PCDH15: variants seen among roughly 807,000 people sequenced by gnomAD.
PCDH15 encodes the protein protocadherin-15.
Under a neutral mutation model 178.5 loss-of-function variants are expected in PCDH15, and 129 were observed. That is an observed-to-expected ratio of 0.72 (90% confidence interval 0.63 to 0.84). The LOEUF (loss-of-function observed/expected upper bound fraction) is 0.84. PCDH15 is among the 40% of genes least tolerant of loss of function. The pLI is 0.00. For missense variants in PCDH15, 2,230 were observed against 2,099.9 expected, an observed-to-expected ratio of 1.06 and a Z score of -1.21; for synonymous variants, 800 against 732.0, an observed-to-expected ratio of 1.09 and a Z score of -1.50.
intron 3 of PCDH15, among the ~76,000 whole-genome samples, chr10:54,435,777 T>G (rs574064846): frequency 6.6e-6 from 1 of 152,072 alleles, no homozygotes; most frequent in African/African-American, 2.4e-5. Flanking sequence ...GAGACCATCC[T>G]GGCTAACACG....
intron 8 of PCDH15, among the ~76,000 whole-genome samples, chr10:54,295,245 A>T (rs569376516): frequency 6.6e-6 from 1 of 151,754 alleles, no homozygotes; most frequent in African/African-American, 2.4e-5. Context: ...AAATCACACC[A>T]ATCAGCATGC....
intron 3 of PCDH15, among the ~76,000 whole-genome samples, chr10:54,469,305 C>A (rs987640711): frequency 6.6e-6 from 1 of 152,094 alleles, no homozygotes; most frequent in African/African-American, 2.4e-5. Flanking sequence ...CTATGTTGGC[C>A]AGGCTGGTTT....
chr10:54,099,512 AAAT>A (rs1211851109), intron 15 of PCDH15, among the ~76,000 whole-genome samples: 2 of 136,648 alleles, frequency 1.5e-5, no homozygotes, highest in African/African-American at 2.8e-5. Context: ...AAAAAAAAAA[AAAT>A]ATATATATAT....
At chr10:54,079,603 C>G (rs976161050) in intron 16 of PCDH15, among the ~76,000 whole-genome samples, 179 bp from the exon 17 acceptor site, 2 of 152,088 alleles carry the variant, frequency 1.3e-5, no homozygotes, top group Admixed American at 1.3e-4. Context: ...GCTTTTAAGG[C>G]TGTCAAATTT....
intron 3 of PCDH15, among the ~76,000 whole-genome samples, chr10:54,384,328 T>C (rs199801043): frequency 0.049 from 184 of 3,728 alleles, 1 homozygote; most frequent in East Asian, 0.4. Context: ...TCCCCCCCCT[T>C]TTTTTTTTTT....
chr10:54,622,608 A>AATATAT (rs1555105303), intron 2 of PCDH15, among the ~76,000 whole-genome samples: 4 of 44,768 alleles, frequency 8.9e-5, no homozygotes, highest in African/African-American at 3.5e-4. Context: ...TAATATATAT[A>AATATAT]ATTATATATA....
At chr10:53,968,192 C>A (rs190111456) in intron 21 of PCDH15, among the ~76,000 whole-genome samples, 2 of 152,276 alleles carry the variant, frequency 1.3e-5, no homozygotes, top group Admixed American at 6.5e-5. Context: ...AAACGGCCCA[C>A]CAGGAGATTA....
intron 2 of PCDH15, among the ~76,000 whole-genome samples, chr10:55,036,278 G>A (rs946622338): frequency 2.0e-5 from 3 of 152,054 alleles, no homozygotes; most frequent in South Asian, 2.1e-4. Flanking sequence ...ATAAATTTCT[G>A]TTAATTACAA....
intron 23 of PCDH15, among the ~76,000 whole-genome samples, chr10:53,943,684 A>G (rs1040136827): frequency 6.6e-6 from 1 of 152,116 alleles, no homozygotes; most frequent in Non-Finnish European, 1.5e-5. Context: ...TTAAAATTCT[A>G]TTTGTTAGTA....
intron 3 of PCDH15, among the ~76,000 whole-genome samples, chr10:54,394,579 C>T (rs745350449): frequency 6.6e-6 from 1 of 152,180 alleles, no homozygotes; most frequent in African/African-American, 2.4e-5. Flanking sequence ...AGGGCAAGAT[C>T]ACAGGACCGC....
chr10:55,200,682 T>C (rs1840219858), intron 1 of PCDH15, among the ~76,000 whole-genome samples: 1 of 152,062 alleles, frequency 6.6e-6, no homozygotes, highest in South Asian at 2.1e-4. Context: ...GAATTGAAAT[T>C]TCTAGCGTTG....
chr10:54,954,122 C>T (rs917415935), intron 2 of PCDH15, among the ~76,000 whole-genome samples: 3 of 151,144 alleles, frequency 2.0e-5, no homozygotes, highest in African/African-American at 4.8e-5. Context: ...ATCTCTGAAT[C>T]GTGTCCTATC....
intron 27 of PCDH15, among the ~76,000 whole-genome samples, chr10:53,866,065 A>T (rs2079428978): frequency 1.3e-5 from 2 of 152,140 alleles, no homozygotes; most frequent in South Asian, 4.1e-4. Context: ...CCTAAGTGAA[A>T]ATTAGAACAG....
intron 2 of PCDH15, among the ~76,000 whole-genome samples, chr10:54,902,254 C>T (rs1389843035): frequency 6.6e-6 from 1 of 152,130 alleles, no homozygotes; most frequent in Non-Finnish European, 1.5e-5. Flanking sequence ...TGTCACTATC[C>T]TATTTGAAAG....
intron 13 of PCDH15, among the ~76,000 whole-genome samples, chr10:54,169,923 A>G (rs1004713193): frequency 6.6e-6 from 1 of 150,756 alleles, no homozygotes; most frequent in African/African-American, 2.4e-5. Flanking sequence ...TGTTTTGCCT[A>G]TCCACCCCGT....
At chr10:54,707,317 A>T (rs1488206609) in intron 1 of PCDH15, among the ~76,000 whole-genome samples, 1 of 152,216 alleles carries the variant, frequency 6.6e-6, no homozygotes, top group Admixed American at 6.5e-5. Context: ...ACTTAGTACT[A>T]TAGATACCAC....
intron 2 of PCDH15, among the ~76,000 whole-genome samples, chr10:55,521,627 C>T (rs1841178660): frequency 6.6e-6 from 1 of 151,876 alleles, no homozygotes; most frequent in South Asian, 2.1e-4. Context: ...GTTTTCATAT[C>T]TTGGCTACAG....
At chr10:54,924,781 T>A (rs1298617013) in intron 2 of PCDH15, among the ~76,000 whole-genome samples, 1 of 152,166 alleles carries the variant, frequency 6.6e-6, no homozygotes, top group African/African-American at 2.4e-5. Context: ...TTGCTCAAGT[T>A]TTATGGTGTT....
chr10:54,989,785 T>C (rs1839457100), intron 2 of PCDH15, among the ~76,000 whole-genome samples: 1 of 152,092 alleles, frequency 6.6e-6, no homozygotes, highest in African/African-American at 2.4e-5. Context: ...GGAAATGCCA[T>C]TTGGGAGGGG....
Sources: allele counts gnomAD v4.1 joint callset (sites outside exome capture counted in the v4.1 genomes callset), GRCh38; gene constraint gnomAD v4.1.1; transcripts MANE v1.5; gene names NCBI Gene and HGNC (gene_info 2026-07-23, HGNC 2026-07-21).